NTRK2: variants seen among roughly 807,000 people sequenced by gnomAD.
The protein encoded by NTRK2 is neurotrophic receptor tyrosine kinase 2.
NTRK2 carries 13 observed loss-of-function variants against 94.5 expected under a neutral mutation model. The ratio of observed to expected loss-of-function variants is 0.14; its 90% CI spans 0.09 to 0.22. NTRK2 has a LOEUF of 0.22. Ranked by LOEUF, NTRK2 falls within the 10% of genes least tolerant of loss-of-function variation. The pLI, the probability that NTRK2 is intolerant of heterozygous loss-of-function variation, is 1.00. For missense variants in NTRK2, 639 were observed against 1,071.2 expected (o/e 0.60, Z 5.63); for synonymous variants, 372 against 407.4 (o/e 0.91, Z 1.05).
intron 12 of NTRK2, among the ~76,000 whole-genome samples, chr9:84,780,552 C>G (rs572706123): frequency 6.6e-6 from 1 of 152,262 alleles, no homozygotes; most frequent in South Asian, 2.1e-4. Flanking sequence ...GGCAGATGCA[C>G]AAGCAGTGAG....
intron 12 of NTRK2, among the ~76,000 whole-genome samples, chr9:84,771,414 GA>G (rs1259510370): frequency 6.6e-6 from 1 of 152,132 alleles, no homozygotes; most frequent in Non-Finnish European, 1.5e-5. Flanking sequence ...GGTTCTTTAA[GA>G]AAATGAAGGG....
At chr9:84,780,272 A>G (rs1160822506) in intron 12 of NTRK2, among the ~76,000 whole-genome samples, 1 of 152,082 alleles carries the variant, frequency 6.6e-6, no homozygotes, top group Non-Finnish European at 1.5e-5. Flanking sequence ...TCATTTATGG[A>G]TTATCTATGG....
chr9:84,991,368 A>G (rs913514435), intron 17 of NTRK2, among the ~76,000 whole-genome samples: 1 of 152,192 alleles, frequency 6.6e-6, no homozygotes, highest in African/African-American at 2.4e-5. Flanking sequence ...ATGTGGCGAT[A>G]TGAACATTAG....
chr9:85,015,396 T>A (rs906737948), intron 17 of NTRK2, among the ~76,000 whole-genome samples: 6 of 152,196 alleles, frequency 3.9e-5, no homozygotes, highest in Non-Finnish European at 8.8e-5. Flanking sequence ...CAGATGAGAC[T>A]GTTTCCATCT....
Position 84,948,639 on chromosome 9 carries a change from A to AGT in NTRK2, c.1937+7_1937+8dup, listed in dbSNP as rs747589999. ...GGACCTCAACAAGTTCCTCAGGTAC[A>AGT]GTGAGGCGGGGAGGTGGGCTCCAGG... is the stretch of plus-strand genomic sequence containing the variant. On this transcript the variant is annotated splice_donor_region_variant and intron_variant, in intron 16 of 18. Coordinates refer to ENST00000277120, the MANE Select transcript of NTRK2 (RefSeq NM_006180.6). 1.9e-6 allele frequency: 3 copies of AGT among 1,613,826 alleles called. No homozygotes were observed. In the African/African-American group the frequency reaches 4.0e-5, roughly 22 times the overall value.
chr9:84,820,760 G>A (rs2072758755), intron 12 of NTRK2, among the ~76,000 whole-genome samples: 1 of 152,150 alleles, frequency 6.6e-6, no homozygotes, highest in Non-Finnish European at 1.5e-5. Context: ...CTAGGTGCTG[G>A]GAGGTACCTC....
chr9:84,872,387 T>C (rs200941407), intron 14 of NTRK2: 138 of 1,089,224 alleles, frequency 1.3e-4, no homozygotes, highest in Non-Finnish European at 1.4e-4. Context: ...TGTTTTATCT[T>C]CTCCCGTCGG....
intron 12 of NTRK2, chr9:84,810,634 G>A (rs2071673546): frequency 1.9e-6 from 3 of 1,612,934 alleles, no homozygotes; most frequent in Non-Finnish European, 2.5e-6. Context: ...GGTTGATGCT[G>A]CCATGTAAGC....
intron 17 of NTRK2, among the ~76,000 whole-genome samples, chr9:84,977,668 C>T (rs931305997): frequency 1.3e-5 from 2 of 152,100 alleles, no homozygotes; most frequent in African/African-American, 2.4e-5. Flanking sequence ...ATATATACAC[C>T]CATGCACACA....
chr9:85,012,524 T>G (rs965949030), intron 17 of NTRK2, among the ~76,000 whole-genome samples: 4 of 152,162 alleles, frequency 2.6e-5, no homozygotes, highest in African/African-American at 7.2e-5. Flanking sequence ...AGGAATCACC[T>G]AAGGGTTTTG....
intron 14 of NTRK2, among the ~76,000 whole-genome samples, chr9:84,881,381 G>A (rs575249832): frequency 1.3e-4 from 20 of 152,244 alleles, no homozygotes; most frequent in Non-Finnish European, 2.4e-4. Flanking sequence ...AGGAAGTCAC[G>A]TCTCACCAGG....
upstream of NTRK2, chr9:84,669,161 T>G (rs1248320332): frequency 1.3e-5 from 2 of 152,302 alleles, no homozygotes; most frequent in Admixed American, 1.3e-4. This position sits in a 1 kb window ranked among gnomAD's most constrained non-coding sequence, Gnocchi z 4.1. Context: ...TGGTTACCAA[T>G]GCAGAACACG....
chr9:84,733,984 G>A (rs529261816), intron 9 of NTRK2, among the ~76,000 whole-genome samples: 1 of 152,316 alleles, frequency 6.6e-6, no homozygotes, highest in South Asian at 2.1e-4. Flanking sequence ...ATTATTTAAA[G>A]AGCAGCTTTG....
intron 12 of NTRK2, among the ~76,000 whole-genome samples, chr9:84,770,250 C>A (rs2066423838): frequency 6.6e-6 from 1 of 151,970 alleles, no homozygotes; most frequent in African/African-American, 2.4e-5. Flanking sequence ...TTCCCTCAAC[C>A]CTTTGCCAGG....
chr9:84,698,726 C>T (rs1402315961), intron 2 of NTRK2, among the ~76,000 whole-genome samples: 1 of 152,194 alleles, frequency 6.6e-6, no homozygotes, highest in African/African-American at 2.4e-5. Context: ...AACATTTTGT[C>T]AATCTAGTGG....
At chr9:84,938,175 A>C (rs1435383961) in intron 15 of NTRK2, among the ~76,000 whole-genome samples, 3 of 152,232 alleles carry the variant, frequency 2.0e-5, no homozygotes, top group Non-Finnish European at 2.9e-5. Context: ...GACTTCAGCA[A>C]GCACTTTCGT....
At chr9:84,842,314 A>G (rs1434670396) in intron 12 of NTRK2, among the ~76,000 whole-genome samples, 2 of 151,914 alleles carry the variant, frequency 1.3e-5, no homozygotes, top group African/African-American at 2.4e-5. Flanking sequence ...CATACTCCCC[A>G]TGGCTGCCAG....
chr9:84,977,708 T>C (rs1471514241), intron 17 of NTRK2, among the ~76,000 whole-genome samples: 1 of 152,220 alleles, frequency 6.6e-6, no homozygotes, highest in African/African-American at 2.4e-5. Context: ...TACCTCATTG[T>C]ATTGTGCTTC....
chr9:84,815,600 T>TA (rs1241171083), intron 12 of NTRK2: 20 of 1,004,446 alleles, frequency 2.0e-5, no homozygotes, highest in Non-Finnish European at 2.3e-5. Context: ...ATAATCATTT[T>TA]AAAAATTTTT....
Sources: gnomAD v4.1 joint callset for allele counts (sites outside exome capture counted in the v4.1 genomes callset) on GRCh38, gnomAD v4.1.1 for gene constraint, Gnocchi (gnomAD v3.1) non-coding constraint, MANE v1.5 for transcripts, NCBI Gene and HGNC (gene_info 2026-07-23, HGNC 2026-07-21) for gene names.